The following ZNF653 variants were observed in gnomAD, a reference collection of about 807,000 sequenced individuals.
ZNF653 encodes 67 kDa zinc finger protein.
A neutral mutation model predicts 59.9 loss-of-function variants in ZNF653; 37 were observed. That is an observed-to-expected ratio of 0.62 (90% confidence interval 0.48 to 0.81). ZNF653 has a LOEUF of 0.81. Ranked by LOEUF, ZNF653 falls within the 40% of genes least tolerant of loss-of-function variation. ZNF653 has a pLI of 0.00. For synonymous variants in ZNF653, 435 were observed against 371.8 expected, an observed-to-expected ratio of 1.17 and a Z score of -1.96; for missense variants, 808 against 881.1, an observed-to-expected ratio of 0.92 and a Z score of 1.05.
In ZNF653 at chr19:11,487,852, G is replaced by A. The variant is rs1010600962; in HGVS notation, c.611C>T (p.Ala204Val). Reference sequence around the variant, plus strand: ...CTCAGGAGACTCCTCAGAGTCAGAGGCAGAGCCAGAGCTGGATGAGTCAGA... The same window carrying A: ...CTCAGGAGACTCCTCAGAGTCAGAGACAGAGCCAGAGCTGGATGAGTCAGA... ...GSSDSSSSGS[A>V]SDSEESPEGQ... Residue 204 changes from alanine (A) to valine (V), a missense_variant, in exon 4 of 9, where the codon GCC becomes GTC. Transcript: ENST00000293771. This position sits in a 1 kb window ranked among gnomAD's most constrained non-coding sequence, Gnocchi z 5.1. 4.3e-6 allele frequency: 7 copies of A among 1,609,734 alleles called. 1 individual carries two copies. The African/African-American group carries it at 9.4e-5, about 22-fold the overall frequency.
chr19:11,501,237 G>A (rs116999894), intron 1 of ZNF653, among the ~76,000 whole-genome samples: 4,831 of 150,196 alleles, frequency 0.032, 116 homozygotes, highest in East Asian at 0.078. Flanking sequence ...GGAGTGCAGT[G>A]GCGCCATCAC....
At chr19:11,496,379 T>C (rs1016204220) in intron 2 of ZNF653, among the ~76,000 whole-genome samples, 4 of 152,172 alleles carry the variant, frequency 2.6e-5, no homozygotes, top group Admixed American at 2.0e-4. Context: ...GGCAAAGTCA[T>C]GTAAACAGTG....
At chr19:11,497,993 G>A (rs528672072) in intron 2 of ZNF653, among the ~76,000 whole-genome samples, 18 of 152,310 alleles carry the variant, frequency 1.2e-4, no homozygotes, top group Admixed American at 5.2e-4. Flanking sequence ...AGGACAGGAG[G>A]AGCAAGCTCC....
Position 11,484,051 on chromosome 19 carries a change from G to T in ZNF653, c.1661C>A (p.Thr554Asn), listed in dbSNP as rs1264997290. Residue 554 changes from threonine (T) to asparagine (N), a missense_variant, in exon 8 of 9, where the codon ACC becomes AAC. By Grantham distance (65) the Thr-to-Asn change is moderately conservative. Coordinates refer to ENST00000293771, the MANE Select transcript of ZNF653 (RefSeq NM_138783.4). ...EVHRRTHTGE[T>N]PLQCEICGYQ... ...GCGGCCTGTCACTCACTGCAGGGGG[G>T]TCTCGCCGGTGTGGGTGCGCCGATG... The T allele has an allele frequency of 3.2e-6, 5 of 1,556,468 alleles. No homozygotes were observed. In the African/African-American group the frequency reaches 4.1e-5, roughly 13 times the overall value.
rs1431024084 is a variant in ZNF653 at position 11,505,517 on chromosome 19, CAG to C, written c.268_269del (p.Leu90GlyfsTer93). The C allele has an allele frequency of 2.0e-6, 3 of 1,511,080 alleles. No homozygotes were observed. Among genetic ancestry groups the C allele is most frequent in the East Asian group, 2.8e-5 (1 of 35,166 alleles). 93.6% of individuals were successfully genotyped at this position (1,511,080 alleles called of 1,614,324 possible). On this transcript the variant is annotated frameshift_variant, in exon 1 of 9. Transcript: ENST00000293771. LOFTEE classifies it high-confidence loss of function. ...DAKLAAYLIS[L>X]ERGQRSGRHG... ...GGCGGCCGCTCCGCTGGCCGCGCTC[CAG>C]AGAGATGAGGTAGGCGGCGAGCTTG... is the stretch of plus-strand genomic sequence containing the variant.
At chr19:11,486,666 C>A in intron 6 of ZNF653, 103 bp downstream of exon 6, 2 of 981,318 alleles carry the variant, frequency 2.0e-6, no homozygotes, top group African/African-American at 1.6e-5. Context: ...TTCAGGGACA[C>A]CTCGTCAAAT....
chr19:11,487,497 A>G lies in ZNF653; in HGVS notation c.966T>C (p.Ile322=). Residue 322 remains isoleucine (I), a synonymous_variant, in exon 4 of 9, where the codon ATT becomes ATC. Transcript: ENST00000293771. This position sits in a 1 kb window ranked among gnomAD's most constrained non-coding sequence, Gnocchi z 5.1. The part of the protein sequence containing the change: ...GMVPGSQVII[I]AGPGYDALTA... ...TGAGAGCGTCGTAACCAGGGCCCGC[A>G]ATGATGATCACCTGTGAGCCGGGCA... is the stretch of plus-strand genomic sequence containing the variant. The G allele has an allele frequency of 1.2e-6, 2 of 1,613,774 alleles. No individual in the cohort carries two copies. Among genetic ancestry groups the G allele is most frequent in the Non-Finnish European group, 1.7e-6 (2 of 1,179,960 alleles).
intron 2 of ZNF653, 74 bp from the exon 3 acceptor site, chr19:11,496,239 C>T (rs1344847902): frequency 2.0e-5 from 30 of 1,482,860 alleles, no homozygotes; most frequent in African/African-American, 9.7e-5. Flanking sequence ...CCTGAACCAC[C>T]GGGGCTTTAT....
At chr19:11,486,731 G>GTGGGCC in intron 6 of ZNF653, 38 bp downstream of exon 6, 1 of 1,540,586 alleles carries the variant, frequency 6.5e-7, no homozygotes, top group Non-Finnish European at 8.8e-7. Context: ...CCTGGGCCTT[G>GTGGGCC]TGGGCCTGGC....
chr19:11,490,740 T>G (rs1971521601), intron 3 of ZNF653, among the ~76,000 whole-genome samples: 1 of 152,108 alleles, frequency 6.6e-6, no homozygotes, highest in African/African-American at 2.4e-5. Context: ...GGTGATTCCA[T>G]CTGCAGCTTC....
chr19:11,486,693 G>C, intron 6 of ZNF653, 76 bp downstream of exon 6: 2 of 1,249,232 alleles, frequency 1.6e-6, no homozygotes, highest in Admixed American at 4.8e-5. Context: ...GGGCAAACTA[G>C]AGGTAGGACA....
chr19:11,505,484 T>C lies in ZNF653; in HGVS notation c.299+4A>G. ...CTCCCTCCCTCGGGGCCAGGCCCCC[T>C]CACCCGTGGCGGCCGCTCCGCTGGC... On this transcript the variant is annotated splice_donor_region_variant and intron_variant, in intron 1 of 8. Transcript: ENST00000293771. The C allele has an allele frequency of 6.7e-7, 1 of 1,483,402 alleles. No individual in the cohort carries two copies. The highest frequency in any genetic ancestry group is 8.9e-7 in the Non-Finnish European group (1 of 1,128,922). The allele number at this position is 1,483,402 out of a possible 1,614,324, so 91.9% of individuals were successfully genotyped here. A position where few individuals can be genotyped will look rare whatever the true frequency, so the allele number is the denominator to read the frequency against.
chr19:11,494,114 G>A (rs2144943052), intron 3 of ZNF653, among the ~76,000 whole-genome samples: 1 of 152,260 alleles, frequency 6.6e-6, no homozygotes, highest in East Asian at 1.9e-4. Context: ...TTGAGGCTGG[G>A]AGTTCGAGAC....
At chr19:11,499,169 AG>A in intron 1 of ZNF653, among the ~76,000 whole-genome samples, 1 of 152,272 alleles carries the variant, frequency 6.6e-6, no homozygotes, top group East Asian at 1.9e-4. Context: ...ACAGGCTTGG[AG>A]GGGTGAGGCC....
Position 11,496,092 on chromosome 19 carries a change from G to A in ZNF653, c.417C>T (p.Tyr139=), listed in dbSNP as rs777335500. Residue 139 remains tyrosine, a synonymous_variant, in exon 3 of 9, where the codon TAC becomes TAT. Transcript: ENST00000293771. The stretch of plus-strand genomic sequence containing the variant: ...GGTCTAGCTCCGCCAGGTGCGGCTC[G>A]TACGGGCAGCGGTGCTTGTGGTCCT... ...WYEDHKHRCP[Y]EPHLAELDPT... The A allele has an allele frequency of 1.9e-5, 30 of 1,613,932 alleles. No individual in the cohort carries two copies. The highest frequency in any genetic ancestry group is 1.7e-4 in the Middle Eastern group (1 of 6,060).
Position 11,483,494 on chromosome 19 carries a change from C to T in ZNF653, c.*188G>A. 1.9e-5 allele frequency: 26 copies of T among 1,395,724 alleles called. No homozygotes were observed. In the South Asian group the frequency reaches 4.1e-4, roughly 22 times the overall value. The allele number at this position is 1,395,724 out of a possible 1,614,324, so 86.5% of individuals were successfully genotyped here. ...AGTTCCAGCAATGCAGCCCCAGGCA[C>T]CAGCTCCGAGAAGGATGCGGTGGGG... On this transcript the variant is annotated 3_prime_UTR_variant, in exon 9 of 9. Transcript: ENST00000293771.
At chr19:11,493,555 G>C (rs1971551060) in intron 3 of ZNF653, among the ~76,000 whole-genome samples, 1 of 152,146 alleles carries the variant, frequency 6.6e-6, no homozygotes, top group South Asian at 2.1e-4. Flanking sequence ...ATTTCCCCTT[G>C]TCCTGTATTC....
chr19:11,487,578 G>A lies in ZNF653; in HGVS notation c.885C>T (p.Asn295=), dbSNP rs138014547. The change falls in exon 4 of 9, where the codon AAC becomes AAT. Residue 295 remains asparagine (N), a synonymous_variant. Transcript: ENST00000293771. The surrounding 1 kb of genome is among the most constrained non-coding windows in gnomAD (Gnocchi z 5.1). ...VGAGPSALFE[N]VPQEALGEVV... is the part of the protein sequence containing the mutation. ...CCTCACCCAGGGCCTCCTGGGGCAC[G>A]TTCTCAAAGAGGGCGCTGGGGCCCG... The A allele has an allele frequency of 1.2e-4, 192 of 1,613,948 alleles. 1 individual carries two copies. The African/African-American group carries it at 1.9e-3, about 16-fold the overall frequency.
At chr19:11,505,285 T>G in intron 1 of ZNF653, 3 of 524,428 alleles carry the variant, frequency 5.7e-6, no homozygotes, top group Non-Finnish European at 9.6e-6. Flanking sequence ...CACCCTAGGA[T>G]TGGGCAGTCG....
Sources: gnomAD v4.1 joint callset for allele counts (sites outside exome capture counted in the v4.1 genomes callset) on GRCh38, gnomAD v4.1.1 for gene constraint, Gnocchi (gnomAD v3.1) non-coding constraint, MANE v1.5 for transcripts, NCBI Gene and HGNC (gene_info 2026-07-23, HGNC 2026-07-21) for gene names.